The following DLG2 variants were observed in gnomAD, a reference collection of about 807,000 sequenced individuals.
DLG2 encodes disks large homolog 2.
A neutral mutation model predicts 132.5 loss-of-function variants in DLG2; 45 were observed. The ratio of observed to expected loss-of-function variants is 0.34; its 90% CI spans 0.27 to 0.44. The LOEUF is 0.44. DLG2 is among the 20% of genes least tolerant of loss of function. The probability of loss-of-function intolerance (pLI) is 1.00; values close to 1 mark genes in which losing one functional copy is unlikely to be tolerated. For synonymous variants in DLG2, 424 were observed against 419.6 expected, an observed-to-expected ratio of 1.01 and a Z score of -0.13; for missense variants, 1,045 against 1,196.9, an observed-to-expected ratio of 0.87 and a Z score of 1.87.
chr11:84,871,357 C>T (rs936413045), intron 6 of DLG2, among the ~76,000 whole-genome samples: 4 of 152,162 alleles, frequency 2.6e-5, no homozygotes, highest in Non-Finnish European at 4.4e-5. Context: ...TTCCAGAAAG[C>T]ATATGACAGT....
intron 7 of DLG2, among the ~76,000 whole-genome samples, chr11:84,532,490 A>G (rs1400720029): frequency 2.0e-5 from 3 of 151,994 alleles, no homozygotes; most frequent in Non-Finnish European, 2.9e-5. Context: ...AATTTTGTGT[A>G]TCTGTGTGTT....
chr11:84,384,297 T>C (rs954944722), intron 7 of DLG2, among the ~76,000 whole-genome samples: 1 of 151,924 alleles, frequency 6.6e-6, no homozygotes, highest in South Asian at 2.1e-4. Context: ...ATTATATACT[T>C]GGTGCTGAAC....
chr11:85,375,494 CA>C (rs1434287763), intron 3 of DLG2, among the ~76,000 whole-genome samples: 1 of 152,136 alleles, frequency 6.6e-6, no homozygotes, highest in African/African-American at 2.4e-5. Flanking sequence ...GCCTGGGCAA[CA>C]TAGCCAGACC....
At chr11:84,473,121 C>T (rs966512070) in intron 7 of DLG2, among the ~76,000 whole-genome samples, 5 of 151,984 alleles carry the variant, frequency 3.3e-5, no homozygotes, top group African/African-American at 7.2e-5. Flanking sequence ...TCATTCACCT[C>T]GTATTTGGTA....
chr11:84,977,444 G>T (rs1046479115), intron 6 of DLG2, among the ~76,000 whole-genome samples: 1 of 152,092 alleles, frequency 6.6e-6, no homozygotes, highest in Non-Finnish European at 1.5e-5. Flanking sequence ...GTAGGCTCTT[G>T]TTGTGAGATG....
intron 18 of DLG2, among the ~76,000 whole-genome samples, chr11:83,724,495 G>GTT (rs2089568209): frequency 6.7e-6 from 1 of 149,094 alleles, no homozygotes; most frequent in African/African-American, 2.5e-5. Flanking sequence ...GAGAGAGAGA[G>GTT]AGAGAGAGAG....
At chr11:84,101,832 C>T (rs1843241156) in intron 9 of DLG2, among the ~76,000 whole-genome samples, 2 of 152,062 alleles carry the variant, frequency 1.3e-5, no homozygotes, top group African/African-American at 2.4e-5. Context: ...TTGGGAGATA[C>T]CCAAATGCTT....
chr11:85,498,353 A>T (rs1446934825), intron 3 of DLG2, among the ~76,000 whole-genome samples: 1 of 152,248 alleles, frequency 6.6e-6, no homozygotes, highest in Non-Finnish European at 1.5e-5. Context: ...ATAATGGTAA[A>T]GGTATCAATT....
chr11:84,183,796 A>C (rs933406809), intron 8 of DLG2, among the ~76,000 whole-genome samples: 1 of 152,020 alleles, frequency 6.6e-6, no homozygotes, highest in African/African-American at 2.4e-5. Context: ...TCATTGTTCA[A>C]TTCCCACCTA....
chr11:83,591,530 A>G, intron 19 of DLG2, among the ~76,000 whole-genome samples: 1 of 91,840 alleles, frequency 1.1e-5, no homozygotes, highest in African/African-American at 4.6e-5. Context: ...CCCACAGCCA[A>G]TATCATACTG....
chr11:84,774,651 C>T (rs1038361909), intron 6 of DLG2, among the ~76,000 whole-genome samples: 1 of 152,074 alleles, frequency 6.6e-6, no homozygotes, highest in Non-Finnish European at 1.5e-5. Context: ...ACAACTACAG[C>T]CACCTGCTCT....
intron 10 of DLG2, among the ~76,000 whole-genome samples, chr11:84,074,162 C>A (rs1047166499): frequency 2.6e-5 from 4 of 152,164 alleles, no homozygotes; most frequent in Non-Finnish European, 4.4e-5. Context: ...TATTTCCCTG[C>A]ACTAGAATAT....
At chr11:83,616,498 AT>A (rs997627192) in intron 19 of DLG2, among the ~76,000 whole-genome samples, 2 of 97,484 alleles carry the variant, frequency 2.1e-5, no homozygotes, top group East Asian at 2.5e-4. Flanking sequence ...TTAAAAAAAA[AT>A]GTTTTTTTTT....
chr11:84,541,692 G>T (rs751524221), intron 6 of DLG2, among the ~76,000 whole-genome samples: 1 of 152,128 alleles, frequency 6.6e-6, no homozygotes, highest in African/African-American at 2.4e-5. Flanking sequence ...ATCAGTAAAT[G>T]TAAGTTTAAC....
chr11:84,620,172 C>A (rs1391202803), intron 6 of DLG2, among the ~76,000 whole-genome samples: 6 of 151,292 alleles, frequency 4.0e-5, no homozygotes, highest in African/African-American at 1.5e-4. Context: ...AACAGGCTCA[C>A]ATAGTATAGA....
At chr11:84,931,871 C>T (rs1330048822) in intron 6 of DLG2, among the ~76,000 whole-genome samples, 1 of 152,118 alleles carries the variant, frequency 6.6e-6, no homozygotes, top group Non-Finnish European at 1.5e-5. Flanking sequence ...AATAATCAGT[C>T]ATGTTGAGCT....
At chr11:83,904,823 T>G (rs1207720270) in intron 15 of DLG2, among the ~76,000 whole-genome samples, 1 of 152,172 alleles carries the variant, frequency 6.6e-6, no homozygotes, top group African/African-American at 2.4e-5. Context: ...GCCTTCTTTG[T>G]GTTGCACTGT....
rs546748718 is a variant in DLG2, at chr11:85,452,620, G to A, written c.40+146037C>T. On this transcript the variant is annotated intron_variant, in intron 3 of 27. Coordinates refer to ENST00000376104, the MANE Select transcript of DLG2 (RefSeq NM_001142699.3). ...ATTGTCATATCAGGCCATCTTGGGA[G>A]GATGTGGACCATCTCCATACTGTGT... 8 of 201,386 alleles carry A rather than the reference G, an allele frequency of 4.0e-5. No individual in the cohort carries two copies. The South Asian group carries it at 9.1e-4, about 23-fold the overall frequency. 12.5% of individuals were successfully genotyped at this position (201,386 alleles called of 1,614,324 possible).
intron 6 of DLG2, among the ~76,000 whole-genome samples, chr11:84,877,942 G>C (rs57136585): frequency 0.012 from 1,887 of 152,204 alleles, 46 homozygotes; most frequent in African/African-American, 0.042. Flanking sequence ...CATTTATGTG[G>C]CCAACAAACA....
Sources: allele counts gnomAD v4.1 joint callset (sites outside exome capture counted in the v4.1 genomes callset), GRCh38; gene constraint gnomAD v4.1.1; transcripts MANE v1.5; gene names NCBI Gene and HGNC (gene_info 2026-07-23, HGNC 2026-07-21).